STAT5A: variants seen among roughly 807,000 people sequenced by gnomAD.
STAT5A encodes the protein epididymis secretory sperm binding protein.
Under a neutral mutation model 100.2 loss-of-function variants are expected in STAT5A, and 26 were observed. That is an observed-to-expected ratio of 0.26 (90% confidence interval 0.19 to 0.36). The LOEUF is 0.36. STAT5A is among the 10% of genes least tolerant of loss of function. The pLI, the probability that STAT5A is intolerant of heterozygous loss-of-function variation, is 1.00. For synonymous variants in STAT5A, 330 were observed against 424.3 expected (o/e 0.78, Z 2.73); for missense variants, 634 against 1,027.5 (o/e 0.62, Z 5.24).
chr17:42,307,754 C>T, intron 15 of STAT5A, 31 bp downstream of exon 15: 1 of 1,606,752 alleles, frequency 6.2e-7, no homozygotes, highest in Non-Finnish European at 8.5e-7. Flanking sequence ...CACTCCAGCC[C>T]CAAGGCCCGG....
chr17:42,306,730 T>C (rs1205283978), intron 13 of STAT5A, among the ~76,000 whole-genome samples: 2 of 152,086 alleles, frequency 1.3e-5, no homozygotes, highest in Non-Finnish European at 2.9e-5. Flanking sequence ...TTTTCTTTTT[T>C]TTTTTTAGAG....
Position 42,295,607 on chromosome 17 carries a change from A to C in STAT5A, c.376-12A>C. Reference sequence around the variant, plus strand: ...CTCTTCCCCGAGTTATTTCCATTCCATCTGTCTCCAGTGCAGCTCTCCGGC... The same window carrying C: ...CTCTTCCCCGAGTTATTTCCATTCCCTCTGTCTCCAGTGCAGCTCTCCGGC... On this transcript the variant is annotated splice_polypyrimidine_tract_variant and intron_variant, in intron 4 of 18. Coordinates refer to ENST00000590949, the MANE Select transcript of STAT5A (RefSeq NM_001288718.2). The C allele has an allele frequency of 6.2e-7, 1 of 1,610,222 alleles. No homozygotes were observed. Among genetic ancestry groups the C allele is most frequent in the Non-Finnish European group, 8.5e-7 (1 of 1,178,122 alleles).
At chr17:42,309,313 C>T in intron 17 of STAT5A, 64 bp from the exon 18 acceptor site, 2 of 1,585,650 alleles carry the variant, frequency 1.3e-6, no homozygotes, top group South Asian at 2.2e-5. Flanking sequence ...CCCCTCGGTC[C>T]CCTCCCCAAG....
chr17:42,288,875 G>C lies in STAT5A; in HGVS notation c.-11+277G>C, dbSNP rs1426672920. Among the ~76,000 whole-genome samples the C allele has an allele frequency of 6.6e-6, 1 of 152,228 alleles. No homozygotes were observed. Among genetic ancestry groups the C allele is most frequent in the Non-Finnish European group, 1.5e-5 (1 of 68,026 alleles). Reference sequence around the variant, plus strand: ...CCCGGGGAGGCACTAGTGCACAGATGGGGGAGCAGCCGAAGAGGGGAGCGC... The same window carrying C: ...CCCGGGGAGGCACTAGTGCACAGATCGGGGAGCAGCCGAAGAGGGGAGCGC... On this transcript the variant is annotated intron_variant, in intron 1 of 18. Coordinates refer to ENST00000590949, the MANE Select transcript of STAT5A (RefSeq NM_001288718.2). The surrounding 1 kb of genome is among the most constrained non-coding windows in gnomAD (Gnocchi z 4.8).
In STAT5A at chr17:42,310,901, A is replaced by C; in HGVS notation, c.*232A>C. 3.0e-6 allele frequency: 2 copies of C among 659,204 alleles called. No homozygotes were observed. Among genetic ancestry groups the C allele is most frequent in the Non-Finnish European group, 5.0e-6 (2 of 399,388 alleles). The allele number at this position is 659,204 out of a possible 1,614,324, so 40.8% of individuals were successfully genotyped here. A position where few individuals can be genotyped will look rare whatever the true frequency, so the allele number is the denominator to read the frequency against. ...GATCATGGCATCCAAGAGTGCGCCG[A>C]GTCTGTCTCTGTCATGGTAGAGACC... is the stretch of plus-strand genomic sequence containing the variant. On this transcript the variant is annotated 3_prime_UTR_variant, in exon 19 of 19. Coordinates refer to ENST00000590949, the MANE Select transcript of STAT5A (RefSeq NM_001288718.2).
In STAT5A at chr17:42,306,256, G is replaced by T; in HGVS notation, c.1489G>T (p.Ala497Ser). Reference sequence around the variant, plus strand: ...TCCCTCTCAGGGCAGGGTGCCATTTGCCGTGCCTGACAAAGTGCTGTGGCC... The same window carrying T: ...TCCCTCTCAGGGCAGGGTGCCATTTTCCGTGCCTGACAAAGTGCTGTGGCC... ...AFAEPGRVPFAVPDKVLWPQL... is the reference protein window; with the variant it reads ...AFAEPGRVPFSVPDKVLWPQL... Residue 497 changes from alanine to serine, a missense_variant, in exon 13 of 19, where the codon GCC becomes TCC. This residue lies in a region of STAT5A where 210 missense variants were observed against 428.4 expected (regional missense o/e 0.49). Transcript: ENST00000590949. 6.2e-7 allele frequency: 1 copy of T among 1,613,976 alleles called. No individual in the cohort carries two copies. The highest frequency in any genetic ancestry group is 8.5e-7 in the Non-Finnish European group (1 of 1,179,928).
chr17:42,297,944 G>A (rs9915658), intron 5 of STAT5A, among the ~76,000 whole-genome samples: 37,477 of 150,546 alleles, frequency 0.25, 4,629 homozygotes, highest in South Asian at 0.36. Flanking sequence ...GCTGGTGCGC[G>A]CATCTTCTGA....
At chr17:42,296,117 A>G (rs2080915965) in intron 5 of STAT5A, among the ~76,000 whole-genome samples, 1 of 152,238 alleles carries the variant, frequency 6.6e-6, no homozygotes, top group East Asian at 1.9e-4. Flanking sequence ...CTAGAGATAT[A>G]TCATAAAACT....
chr17:42,291,471 C>A (rs2080867772), intron 3 of STAT5A, among the ~76,000 whole-genome samples: 1 of 152,144 alleles, frequency 6.6e-6, no homozygotes, highest in Non-Finnish European at 1.5e-5. Context: ...AATCACAGCA[C>A]TTTGGGAGGC....
chr17:42,309,730 G>A (rs1201967951), intron 18 of STAT5A: 2 of 434,308 alleles, frequency 4.6e-6, no homozygotes, highest in African/African-American at 4.0e-5. Flanking sequence ...GTTTCCTTAT[G>A]TGTAAAACGG....
At chr17:42,299,955 G>C (rs1235963559) in intron 6 of STAT5A, 74 bp downstream of exon 6, 1 of 1,504,122 alleles carries the variant, frequency 6.6e-7, no homozygotes, top group Non-Finnish European at 9.0e-7. Context: ...GGGAGGGCTG[G>C]GACCAGCATG....
At chr17:42,310,338 C>A (rs533641264) in intron 18 of STAT5A, among the ~76,000 whole-genome samples, 169 bp from the exon 19 acceptor site, 1 of 152,350 alleles carries the variant, frequency 6.6e-6, no homozygotes, top group Admixed American at 6.5e-5. Flanking sequence ...TCTGCAGAAG[C>A]CAGTGGGCTG....
At chr17:42,298,236 A>G (rs1039772699) in intron 5 of STAT5A, among the ~76,000 whole-genome samples, 3 of 150,172 alleles carry the variant, frequency 2.0e-5, no homozygotes, top group East Asian at 2.0e-4. Flanking sequence ...CTCTCGGCTC[A>G]CTGCAACCTT....
chr17:42,289,480 C>G lies in STAT5A; in HGVS notation c.69C>G (p.Gly23=). The G allele has an allele frequency of 6.2e-7, 1 of 1,613,220 alleles. No homozygotes were observed. Among genetic ancestry groups the G allele is most frequent in the Non-Finnish European group, 8.5e-7 (1 of 1,179,936 alleles). ...TGCGCCAGATGCAGGTGCTGTACGGCCAGCACTTCCCCATCGAGGTCCGGC... is the reference window on the plus strand; with the variant it reads ...TGCGCCAGATGCAGGTGCTGTACGGGCAGCACTTCCCCATCGAGGTCCGGC... ...DALRQMQVLY[G]QHFPIEVRHY... is the part of the protein sequence containing the mutation. Residue 23 remains glycine, a synonymous_variant, in exon 2 of 19, where the codon GGC becomes GGG. Transcript: ENST00000590949.
chr17:42,305,502 CA>C (rs1009356032), intron 11 of STAT5A, 107 bp from the exon 12 acceptor site: 50,231 of 701,796 alleles, frequency 0.072, 6 homozygotes, highest in South Asian at 0.11. Flanking sequence ...AACTCCATAT[CA>C]AAAAAAAAAA....
Position 42,310,504 on chromosome 17 carries a change from C to G in STAT5A, c.2223-3C>G, listed in dbSNP as rs751866032. On this transcript the variant is annotated splice_polypyrimidine_tract_variant and splice_region_variant and intron_variant, in intron 18 of 18. Coordinates refer to ENST00000590949, the MANE Select transcript of STAT5A (RefSeq NM_001288718.2). ...CCCTCTGACATCCCCCTGTCTTTAC[C>G]AGCCCTGACCATGTACTCGATCAGG... 3 of 1,614,020 alleles carry G rather than the reference C, an allele frequency of 1.9e-6. No individual in the cohort carries two copies. Among genetic ancestry groups the G allele is most frequent in the Non-Finnish European group, 2.5e-6 (3 of 1,180,018 alleles).
chr17:42,301,584 G>A, intron 9 of STAT5A, 130 bp downstream of exon 9: 1 of 1,376,510 alleles, frequency 7.3e-7, no homozygotes, highest in East Asian at 2.5e-5. Flanking sequence ...TCGAACTCCT[G>A]GACTCATGCA....
In STAT5A at chr17:42,308,424, C is replaced by A. The variant is rs1002515842; in HGVS notation, c.2062+91C>A. ...CCTTGGGCTGCGCCGTGGGGACTTC[C>A]CCAGGAGGAGCCTAGGGGCCATGTC... On this transcript the variant is annotated intron_variant, in intron 16 of 18. Coordinates refer to ENST00000590949, the MANE Select transcript of STAT5A (RefSeq NM_001288718.2). The surrounding 1 kb of genome is among the most constrained non-coding windows in gnomAD (Gnocchi z 4.6). 1.3e-6 allele frequency: 2 copies of A among 1,580,396 alleles called. No homozygotes were observed. The highest frequency in any genetic ancestry group is 2.3e-5 in the East Asian group (1 of 44,028).
rs929362247 is a variant in STAT5A at position 42,288,659 on chromosome 17, C to G, written c.-11+61C>G. 12 of 152,294 alleles carry G rather than the reference C, an allele frequency of 7.9e-5. No homozygotes were observed. Among genetic ancestry groups the G allele is most frequent in the Admixed American group, 5.2e-4 (8 of 15,292 alleles). The allele number at this position is 152,294 out of a possible 1,614,324, so 9.4% of individuals were successfully genotyped here. The stretch of plus-strand genomic sequence containing the variant: ...CGAGAGGGGACACTCTACTGCCGCC[C>G]CGGCACCTCCGGCACCCGGAGCTCG... On this transcript the variant is annotated intron_variant, in intron 1 of 18. Transcript: ENST00000590949. This position sits in a 1 kb window ranked among gnomAD's most constrained non-coding sequence, Gnocchi z 4.8.
Sources: gnomAD v4.1 joint callset for allele counts (sites outside exome capture counted in the v4.1 genomes callset) on GRCh38, gnomAD v4.1.1 for gene constraint, gnomAD v4.1.1 regional missense constraint, Gnocchi (gnomAD v3.1) non-coding constraint, MANE v1.5 for transcripts, NCBI Gene and HGNC (gene_info 2026-07-23, HGNC 2026-07-21) for gene names.